The following DGKB variants were observed in gnomAD, a reference collection of about 807,000 sequenced individuals.
DGKB encodes diacylglycerol kinase beta, also known as 90 kDa diacylglycerol kinase.
A neutral mutation model predicts 114.3 loss-of-function variants in DGKB; 67 were observed. That is an observed-to-expected ratio of 0.59 (90% CI 0.48 to 0.72). The LOEUF (loss-of-function observed/expected upper bound fraction) is 0.72, where lower values mean the gene tolerates loss of function less well. Ranked by LOEUF, DGKB falls within the 30% of genes least tolerant of loss-of-function variation. The probability of loss-of-function intolerance (pLI) is 0.00; values close to 1 mark genes in which losing one functional copy is unlikely to be tolerated. For synonymous variants in DGKB, 398 were observed against 323.1 expected, an observed-to-expected ratio of 1.23 and a Z score of -2.49; for missense variants, 907 against 975.2, an observed-to-expected ratio of 0.93 and a Z score of 0.93.
chr7:14,460,007 A>G (rs1832843291), intron 21 of DGKB, among the ~76,000 whole-genome samples: 1 of 152,194 alleles, frequency 6.6e-6, no homozygotes, highest in South Asian at 2.1e-4. Flanking sequence ...TAAGCTTCGT[A>G]AGGGAAGGAG....
chr7:14,280,091 C>T (rs892355102), intron 23 of DGKB, among the ~76,000 whole-genome samples: 3 of 151,316 alleles, frequency 2.0e-5, no homozygotes, highest in Non-Finnish European at 4.4e-5. Flanking sequence ...AAACCAAAGG[C>T]AAAGAAGTTG....
chr7:14,919,500 T>C (rs975804086), intron 1 of DGKB, among the ~76,000 whole-genome samples: 3 of 152,108 alleles, frequency 2.0e-5, no homozygotes, highest in Non-Finnish European at 2.9e-5. Flanking sequence ...AAACAGATTA[T>C]AGGAATAAAT....
intron 23 of DGKB, among the ~76,000 whole-genome samples, chr7:14,188,659 CAAAA>C (rs35808078): frequency 4.0e-3 from 135 of 34,082 alleles, no homozygotes; most frequent in African/African-American, 0.011. Context: ...GACTCCGTCT[CAAAA>C]AAAAAAAAAA....
chr7:14,637,989 AAAG>A (rs1470893660), intron 13 of DGKB, among the ~76,000 whole-genome samples: 5 of 152,102 alleles, frequency 3.3e-5, no homozygotes, highest in African/African-American at 1.2e-4. Flanking sequence ...TTCTGAACAC[AAAG>A]AAGAATGATT....
chr7:14,740,563 C>A lies in DGKB; in HGVS notation c.169-4369G>T, dbSNP rs190136077. On this transcript the variant is annotated intron_variant, in intron 4 of 25. Transcript: ENST00000402815. ...CTCAATTCCAAGCTTTGGGTTGAAG[C>A]CCTAGGAAAGAAAACTGGATCTTAG... 2.5e-4 allele frequency among the ~76,000 whole-genome samples: 38 copies of A among 152,206 alleles called. No individual in the cohort carries two copies. In the East Asian group the frequency reaches 6.8e-3, roughly 27 times the overall value.
intron 20 of DGKB, among the ~76,000 whole-genome samples, chr7:14,505,593 T>G (rs1425435662): frequency 1.3e-5 from 2 of 152,254 alleles, no homozygotes; most frequent in Non-Finnish European, 2.9e-5. Flanking sequence ...ACCCATGTTT[T>G]GCCTCCAAAG....
chr7:14,953,784 T>C (rs1427541194), intron 1 of DGKB, among the ~76,000 whole-genome samples: 1 of 152,110 alleles, frequency 6.6e-6, no homozygotes, highest in Non-Finnish European at 1.5e-5. Flanking sequence ...ACAAGAACTG[T>C]AAAGAATCCA....
At chr7:14,955,789 G>A (rs575452347) in intron 1 of DGKB, among the ~76,000 whole-genome samples, 1 of 152,142 alleles carries the variant, frequency 6.6e-6, no homozygotes, top group African/African-American at 2.4e-5. Context: ...CTTCACAGAT[G>A]ATATGTGGAA....
At chr7:14,183,428 G>C (rs1023745269) in intron 23 of DGKB, among the ~76,000 whole-genome samples, 5 of 152,174 alleles carry the variant, frequency 3.3e-5, no homozygotes, top group African/African-American at 1.2e-4. Context: ...CTGTGTTTCA[G>C]AGTACAAGTA....
rs533450266 is a variant in DGKB at position 14,517,856 on chromosome 7, G to A, written c.1771-39631C>T. Among the ~76,000 whole-genome samples the A allele has an allele frequency of 2.0e-4, 30 of 152,276 alleles. No individual in the cohort carries two copies. The South Asian group carries it at 3.3e-3, about 17-fold the overall frequency. On this transcript the variant is annotated intron_variant, in intron 20 of 25. Transcript: ENST00000402815. Reference sequence around the variant, plus strand: ...GGAGAAAAGGGAACACTTATACACTGCAGGTGGGAATGTAAATGAGTTCAG... The same window carrying A: ...GGAGAAAAGGGAACACTTATACACTACAGGTGGGAATGTAAATGAGTTCAG...
rs79829076 is a variant in DGKB at position 14,157,013 on chromosome 7, C to G, written c.2305-7775G>C. ...CATACCTCAGCAGGTAGCATTTTTT[C>G]CTATTAAATATTCACCCTGTATCTA... is the stretch of plus-strand genomic sequence containing the variant. On this transcript the variant is annotated intron_variant, in intron 25 of 25. Transcript: ENST00000402815. 8.3e-3 allele frequency among the ~76,000 whole-genome samples: 1,259 copies of G among 152,096 alleles called. 7 individuals are homozygous for G. The highest frequency in any genetic ancestry group is 0.012 in the Non-Finnish European group (849 of 67,948).
intron 15 of DGKB, chr7:14,621,177 A>G: frequency 2.2e-6 from 1 of 465,042 alleles, no homozygotes; most frequent in Non-Finnish European, 3.8e-6. Flanking sequence ...AAAATCATAA[A>G]TGATTAATTT....
intron 21 of DGKB, among the ~76,000 whole-genome samples, chr7:14,388,573 T>C (rs1820811596): frequency 6.6e-6 from 1 of 151,736 alleles, no homozygotes; most frequent in Non-Finnish European, 1.5e-5. Flanking sequence ...CGAAATTTTC[T>C]GCAGTAGGTA....
intron 20 of DGKB, among the ~76,000 whole-genome samples, chr7:14,573,988 A>G (rs60120032): frequency 3.4e-3 from 513 of 152,276 alleles, no homozygotes; most frequent in African/African-American, 0.011. Flanking sequence ...TTTGCTTAAG[A>G]CATGAAAAAT....
chr7:14,738,785 G>A (rs1832115334), intron 4 of DGKB, among the ~76,000 whole-genome samples: 1 of 152,218 alleles, frequency 6.6e-6, no homozygotes, highest in South Asian at 2.1e-4. Context: ...TGAACTTCCA[G>A]AAGTAGTAAA....
intron 16 of DGKB, among the ~76,000 whole-genome samples, chr7:14,610,930 T>A (rs62445603): frequency 0.016 from 2,466 of 152,230 alleles, 30 homozygotes; most frequent in South Asian, 0.024. Context: ...TGATGCAAAG[T>A]TTATGCCAGT....
At chr7:14,355,139 C>T (rs758645134) in intron 21 of DGKB, among the ~76,000 whole-genome samples, 1 of 152,232 alleles carries the variant, frequency 6.6e-6, no homozygotes, top group African/African-American at 2.4e-5. Flanking sequence ...GGCTCTCTCC[C>T]TCTCTCCCCC....
In DGKB at chr7:14,166,266, A is replaced by G. The variant is rs1784597515; in HGVS notation, c.2304+10573T>C. On this transcript the variant is annotated intron_variant, in intron 25 of 25. Coordinates refer to ENST00000402815, the MANE Select transcript of DGKB (RefSeq NM_001350709.2). ...AACAACTAAACTTTTTTGGTCAATT[A>G]TTTTCTCTCAATGTGGTAAATGCTG... Among the ~76,000 whole-genome samples the G allele has an allele frequency of 2.0e-5, 3 of 152,306 alleles. No homozygotes were observed. The South Asian group carries it at 6.2e-4, about 32-fold the overall frequency.
intron 22 of DGKB, among the ~76,000 whole-genome samples, chr7:14,342,728 T>A (rs1374866206): frequency 6.6e-6 from 1 of 151,930 alleles, no homozygotes; most frequent in Non-Finnish European, 1.5e-5. Flanking sequence ...AAATAATATA[T>A]GTGCATTGTT....
Sources: gnomAD v4.1 joint callset for allele counts (sites outside exome capture counted in the v4.1 genomes callset) on GRCh38, gnomAD v4.1.1 for gene constraint, MANE v1.5 for transcripts, NCBI Gene and HGNC (gene_info 2026-07-23, HGNC 2026-07-21) for gene names.